Variants in ASTN2 observed in about 807,000 individuals in gnomAD.
The protein encoded by ASTN2 is astrotactin 2.
In ASTN2, 54 loss-of-function variants were observed where a neutral mutation model predicts 139.8. The ratio of observed to expected loss-of-function variants is 0.39; its 90% CI spans 0.31 to 0.48. ASTN2 has a LOEUF of 0.48. Ranked by LOEUF, ASTN2 falls within the 20% of genes least tolerant of loss-of-function variation. The pLI, the probability that ASTN2 is intolerant of heterozygous loss-of-function variation, is 0.95. For synonymous variants in ASTN2, 756 were observed against 719.5 expected (o/e 1.05, Z -0.81); for missense variants, 1,565 against 1,725.1 (o/e 0.91, Z 1.64).
chr9:117,160,416 AAGGCCAC>A (rs1157413581), intron 3 of ASTN2, among the ~76,000 whole-genome samples: 67,165 of 151,530 alleles, frequency 0.44, 14,945 homozygotes, highest in Middle Eastern at 0.52. Flanking sequence ...TCTCCCTAAA[AAGGCCAC>A]TGGAGGGTAA....
intron 19 of ASTN2, chr9:116,613,503 C>G (rs1354954142): frequency 6.5e-6 from 1 of 153,434 alleles, no homozygotes. Context: ...CCAAATCCAG[C>G]AGCACATCAA....
intron 13 of ASTN2, among the ~76,000 whole-genome samples, chr9:116,787,929 G>A (rs920929137): frequency 6.6e-6 from 1 of 152,134 alleles, no homozygotes; most frequent in South Asian, 2.1e-4. Flanking sequence ...GAAACTGATT[G>A]CAGGGTATAT....
chr9:116,964,051 C>T (rs1273666297), intron 10 of ASTN2, among the ~76,000 whole-genome samples: 1 of 152,150 alleles, frequency 6.6e-6, no homozygotes, highest in Non-Finnish European at 1.5e-5. Context: ...GCATAGTCCC[C>T]TTTTAAATCT....
intron 5 of ASTN2, among the ~76,000 whole-genome samples, chr9:117,077,488 T>C (rs980259729): frequency 5.6e-4 from 85 of 152,236 alleles, no homozygotes; most frequent in African/African-American, 1.9e-3. Flanking sequence ...TAGCTCATGC[T>C]TGTAATCCCA....
intron 10 of ASTN2, among the ~76,000 whole-genome samples, chr9:116,921,558 AGCCTGGGCGACC>A (rs1307724669): frequency 1.4e-5 from 2 of 145,610 alleles, no homozygotes; most frequent in Non-Finnish European, 3.0e-5. Context: ...ACTGTACTCC[AGCCTGGGCGACC>A]GAGCGAGACT....
At chr9:116,509,311 ATCCATG>A (rs1334897589) in intron 19 of ASTN2, among the ~76,000 whole-genome samples, 4 of 152,144 alleles carry the variant, frequency 2.6e-5, no homozygotes, top group African/African-American at 9.7e-5. Context: ...TTATAGCTTC[ATCCATG>A]TCCCTACAAA....
chr9:116,790,055 A>G (rs1205458073), intron 13 of ASTN2, among the ~76,000 whole-genome samples: 1 of 150,754 alleles, frequency 6.6e-6, no homozygotes, highest in Non-Finnish European at 1.5e-5. Flanking sequence ...CCTCCCGAGT[A>G]GTTTGGATTA....
In ASTN2 at chr9:116,964,265, G is replaced by GCA. The variant is rs1554765682; in HGVS notation, c.1889+10942_1889+10943insTG. 1.3e-3 allele frequency among the ~76,000 whole-genome samples: 188 copies of GCA among 149,922 alleles called. 2 individuals carry two copies. Among genetic ancestry groups the GCA allele is most frequent in the African/African-American group, 2.3e-3 (96 of 40,998 alleles). On this transcript the variant is annotated intron_variant, in intron 10 of 22. Transcript: ENST00000313400. ...TGTGTGTGTGTGTGTGTGCGCGCGC[G>GCA]CGCGTGTGTGTTGACTACTGGGTGG...
chr9:117,125,713 G>A (rs1006744223), intron 4 of ASTN2, among the ~76,000 whole-genome samples: 15 of 152,158 alleles, frequency 9.9e-5, no homozygotes, highest in South Asian at 4.1e-4. Flanking sequence ...ACACATATCC[G>A]TCAGGGCAGG....
At chr9:116,546,342 G>A (rs1335926714) in intron 19 of ASTN2, among the ~76,000 whole-genome samples, 2 of 152,156 alleles carry the variant, frequency 1.3e-5, no homozygotes, top group Admixed American at 6.5e-5. Context: ...CAAGCATCTA[G>A]ATAGGGTAGG....
chr9:117,251,065 C>T (rs1219706108), intron 2 of ASTN2, among the ~76,000 whole-genome samples: 1 of 152,148 alleles, frequency 6.6e-6, no homozygotes, highest in Admixed American at 6.5e-5. Flanking sequence ...GCAAATGGTT[C>T]TATGAGTGAA....
rs756696643 is a variant in ASTN2 at position 116,620,291 on chromosome 9, A to G, written c.3206+19T>C. 8.1e-5 allele frequency: 130 copies of G among 1,613,784 alleles called. No homozygotes were observed. The highest frequency in any genetic ancestry group is 1.1e-4 in the Non-Finnish European group (124 of 1,179,928). ...CACGAAAAGGGATGGCCAAAGGAAA[A>G]GGGGCCATACATACGTACACCGGCT... On this transcript the variant is annotated intron_variant, in intron 18 of 22. Coordinates refer to ENST00000313400, the MANE Select transcript of ASTN2 (RefSeq NM_001365068.1).
Position 117,214,397 on chromosome 9 carries a change from C to G in ASTN2, c.976G>C (p.Gly326Arg). 1 of 1,611,046 alleles carries G rather than the reference C, an allele frequency of 6.2e-7. No homozygotes were observed. The highest frequency in any genetic ancestry group is 8.5e-7 in the Non-Finnish European group (1 of 1,177,568). ...TCCACCTTCTCTTCCCCTGGATGTC[C>G]CAGACTGTCCAGAGTGTGGGTCACC... ...SQVTHTLDSL[G>R]HPGEEKVDFE... Residue 326 changes from glycine to arginine, a missense_variant, in exon 3 of 23, where the codon GGA becomes CGA. Gly to Arg is a moderately radical substitution (Grantham distance 125). Transcript: ENST00000313400.
chr9:117,159,470 C>T (rs565013059), intron 3 of ASTN2, among the ~76,000 whole-genome samples: 2 of 152,076 alleles, frequency 1.3e-5, no homozygotes, highest in South Asian at 4.1e-4. Context: ...GAAAACCTGG[C>T]CAGAGCCCAT....
chr9:116,428,417 A>T (rs1345739188), intron 22 of ASTN2, among the ~76,000 whole-genome samples: 2 of 152,016 alleles, frequency 1.3e-5, no homozygotes, highest in Admixed American at 1.3e-4. Context: ...CCAGCTACTC[A>T]GGAGGCTGAG....
chr9:116,572,995 G>GACACACACACACACACAAACACACACA, intron 19 of ASTN2, among the ~76,000 whole-genome samples: 1 of 143,950 alleles, frequency 6.9e-6, no homozygotes, highest in African/African-American at 2.8e-5. Flanking sequence ...GTACATGCGT[G>GACACACACACACACACAAACACACACA]CACACATGTG....
chr9:116,990,659 C>T (rs951923320), intron 7 of ASTN2, among the ~76,000 whole-genome samples: 1 of 152,236 alleles, frequency 6.6e-6, no homozygotes, highest in Non-Finnish European at 1.5e-5. Flanking sequence ...CTCAAACAAA[C>T]AAGCACACTA....
intron 13 of ASTN2, among the ~76,000 whole-genome samples, chr9:116,782,269 A>C (rs1830239818): frequency 6.6e-6 from 1 of 152,200 alleles, no homozygotes; most frequent in South Asian, 2.1e-4. Flanking sequence ...CGACAGATTT[A>C]AAATTAACTT....
chr9:116,867,235 T>C (rs1381761192), intron 10 of ASTN2, among the ~76,000 whole-genome samples: 2 of 151,446 alleles, frequency 1.3e-5, no homozygotes, highest in South Asian at 2.1e-4. Context: ...ATACTCAAGG[T>C]AAACAGAACA....
Sources: gnomAD v4.1 joint callset for allele counts (sites outside exome capture counted in the v4.1 genomes callset) on GRCh38, gnomAD v4.1.1 for gene constraint, MANE v1.5 for transcripts, NCBI Gene and HGNC (gene_info 2026-07-23, HGNC 2026-07-21) for gene names.